Variants in GABPB2 observed in about 807,000 individuals in gnomAD.
The protein encoded by GABPB2 is GA binding protein transcription factor subunit beta 2.
Under a neutral mutation model 39.1 loss-of-function variants are expected in GABPB2, and 23 were observed. The observed-to-expected ratio is 0.59, with a 90% CI of 0.42 to 0.83. The LOEUF (loss-of-function observed/expected upper bound fraction) is 0.83, where lower values mean the gene tolerates loss of function less well. Ranked by LOEUF, GABPB2 falls within the 40% of genes least tolerant of loss-of-function variation. The pLI is 0.00. For missense variants in GABPB2, 467 were observed against 541.1 expected (o/e 0.86, Z 1.36); for synonymous variants, 184 against 199.3 (o/e 0.92, Z 0.65).
chr1:151,108,217 T>A (rs2101550964), intron 7 of GABPB2, among the ~76,000 whole-genome samples: 1 of 152,342 alleles, frequency 6.6e-6, no homozygotes, highest in South Asian at 2.1e-4. Flanking sequence ...TTGCCCAGGC[T>A]GGAGCGCAGT....
intron 1 of GABPB2, among the ~76,000 whole-genome samples, chr1:151,086,429 G>A (rs1001620211): frequency 1.3e-5 from 2 of 152,102 alleles, no homozygotes. Context: ...ATAACCAATA[G>A]CACAGTTTGA....
At chr1:151,113,544 T>C (rs1680634236) in intron 7 of GABPB2, among the ~76,000 whole-genome samples, 1 of 151,624 alleles carries the variant, frequency 6.6e-6, no homozygotes, top group East Asian at 1.9e-4. Flanking sequence ...TGTTTTAAAA[T>C]AATCATAATA....
chr1:151,088,197 T>C lies in GABPB2; in HGVS notation c.8T>C (p.Leu3Ser). 6.2e-7 allele frequency: 1 copy of C among 1,613,830 alleles called. No homozygotes were observed. The highest frequency in any genetic ancestry group is 8.5e-7 in the Non-Finnish European group (1 of 1,179,734). Reference sequence around the variant, plus strand: ...TTGTTCCTATGCATAAAGATGTCTTTGGTGGACTTGGGAAAGAGGTTGCTA... The same window carrying C: ...TTGTTCCTATGCATAAAGATGTCTTCGGTGGACTTGGGAAAGAGGTTGCTA... The part of the protein sequence containing the change: MS[L>S]VDLGKRLLEA... The change falls in exon 2 of 9, where the codon TTG (leucine) becomes TCG (serine). Residue 3 changes from leucine to serine, a missense_variant. Transcript: ENST00000368918.
At chr1:151,073,970 T>C in intron 1 of GABPB2, among the ~76,000 whole-genome samples, 1 of 150,916 alleles carries the variant, frequency 6.6e-6, no homozygotes, top group South Asian at 2.1e-4. Flanking sequence ...AGTATTATTA[T>C]GGTTATTTCT....
chr1:151,090,378 A>G (rs765777311), intron 2 of GABPB2, 28 bp from the exon 3 acceptor site: 4 of 1,606,520 alleles, frequency 2.5e-6, no homozygotes, highest in Non-Finnish European at 3.4e-6. Context: ...CACACAGTGG[A>G]TATTCAATGA....
chr1:151,103,634 C>T lies in GABPB2; in HGVS notation c.695C>T (p.Ala232Val). Residue 232 changes from alanine to valine, a missense_variant, in exon 6 of 9, where the codon GCT (alanine) becomes GTT (valine). Ala to Val is a moderately conservative substitution (Grantham distance 64, BLOSUM62 0). Coordinates refer to ENST00000368918, the MANE Select transcript of GABPB2 (RefSeq NM_144618.3). ...TSVLATLAAL[A>V]EASVPLSNSH... Reference sequence around the variant, plus strand: ...GTGCTGGCTACCCTTGCAGCTCTTGCTGAGGCATCAGTCCCCCTCTCCAAC... The same window carrying T: ...GTGCTGGCTACCCTTGCAGCTCTTGTTGAGGCATCAGTCCCCCTCTCCAAC... 1 of 1,614,110 alleles carries T rather than the reference C, an allele frequency of 6.2e-7. No homozygotes were observed. Among genetic ancestry groups the T allele is most frequent in the Non-Finnish European group, 8.5e-7 (1 of 1,179,966 alleles).
intron 1 of GABPB2, among the ~76,000 whole-genome samples, chr1:151,081,529 T>C (rs1677696947): frequency 6.6e-6 from 1 of 152,014 alleles, no homozygotes; most frequent in Non-Finnish European, 1.5e-5. Flanking sequence ...ACCGTATATA[T>C]ATATCTTCAG....
chr1:151,077,648 C>G (rs1460481370), intron 1 of GABPB2, among the ~76,000 whole-genome samples: 1 of 151,464 alleles, frequency 6.6e-6, no homozygotes, highest in East Asian at 1.9e-4. Flanking sequence ...CATGGCTGGG[C>G]TCAGCTTTAA....
chr1:151,104,729 C>T (rs1679792180), intron 6 of GABPB2, among the ~76,000 whole-genome samples: 1 of 151,706 alleles, frequency 6.6e-6, no homozygotes, highest in African/African-American at 2.4e-5. Context: ...GGTTGATACC[C>T]CACTTATTAC....
chr1:151,102,668 CT>C (rs1299291614), intron 5 of GABPB2, among the ~76,000 whole-genome samples: 1 of 152,142 alleles, frequency 6.6e-6, no homozygotes, highest in African/African-American at 2.4e-5. Context: ...TCTCGAACTC[CT>C]GATCTCAGGT....
At chr1:151,091,518 A>G (rs1429032073) in intron 3 of GABPB2, among the ~76,000 whole-genome samples, 1 of 132,762 alleles carries the variant, frequency 7.5e-6, no homozygotes, top group African/African-American at 2.8e-5. Flanking sequence ...ACTATCGCCC[A>G]GGCTCGAGTG....
rs77510845 is a variant in GABPB2 at position 151,110,307 on chromosome 1, C to A, written c.922+3085C>A. On this transcript the variant is annotated intron_variant, in intron 7 of 8. Transcript: ENST00000368918. ...AATCCAAACTTTGGTATCATAAATT[C>A]TAATTTATGCATTGCTGATATTTTT... Among the ~76,000 whole-genome samples, 492 of 151,676 alleles carry A rather than the reference C, an allele frequency of 3.2e-3. 2 individuals carry two copies. The highest frequency in any genetic ancestry group is 8.3e-3 in the South Asian group (40 of 4,804).
At chr1:151,089,839 G>A (rs1196375991) in intron 2 of GABPB2, among the ~76,000 whole-genome samples, 3 of 151,666 alleles carry the variant, frequency 2.0e-5, no homozygotes, top group African/African-American at 7.3e-5. Context: ...GTAAAGTCAC[G>A]TCCTTTAGGG....
chr1:151,081,013 C>T (rs935363331), intron 1 of GABPB2, among the ~76,000 whole-genome samples: 1 of 150,454 alleles, frequency 6.6e-6, no homozygotes, highest in African/African-American at 2.4e-5. Flanking sequence ...GCTGGGACTA[C>T]ACGGGCCCAC....
Position 151,088,489 on chromosome 1 carries a change from C to T in GABPB2, c.108+192C>T, listed in dbSNP as rs77639140. ...TTTTAGTTTTCCAAATTGAGAGTCT[C>T]CTGTGGATATATAGGTGATAATTGT... On this transcript the variant is annotated intron_variant, in intron 2 of 8. Transcript: ENST00000368918. 1.9e-5 allele frequency: 25 copies of T among 1,314,200 alleles called. 1 individual carries two copies. The East Asian group carries it at 6.5e-4, about 34-fold the overall frequency. The allele number at this position is 1,314,200 out of a possible 1,614,324, so 81.4% of individuals were successfully genotyped here. A position where few individuals can be genotyped will look rare whatever the true frequency, so the allele number is the denominator to read the frequency against.
In GABPB2 at chr1:151,084,751, G is replaced by A. The variant is rs953627323; in HGVS notation, c.1-3439G>A. Among the ~76,000 whole-genome samples the A allele has an allele frequency of 1.4e-5, 2 of 142,328 alleles. 1 individual carries two copies. The highest frequency in any genetic ancestry group is 4.5e-4 in the South Asian group (2 of 4,432). 93.4% of individuals were successfully genotyped at this position (142,328 alleles called of 152,430 possible). On this transcript the variant is annotated intron_variant, in intron 1 of 8. Coordinates refer to ENST00000368918, the MANE Select transcript of GABPB2 (RefSeq NM_144618.3). ...GGATTTCACCAGGTTAGCCAGGATG[G>A]TCTCGATCTCCTGACCTTGTGATCC...
At chr1:151,088,059 C>T in intron 1 of GABPB2, 131 bp from the exon 2 acceptor site, 1 of 625,414 alleles carries the variant, frequency 1.6e-6, no homozygotes, top group Non-Finnish European at 2.9e-6. Flanking sequence ...AAGGAAGTGA[C>T]CTACCAGACA....
chr1:151,109,520 G>A (rs1315497295), intron 7 of GABPB2, among the ~76,000 whole-genome samples: 7 of 150,316 alleles, frequency 4.7e-5, no homozygotes, highest in African/African-American at 1.5e-4. Context: ...CACCACGCCC[G>A]GCTAATTTTT....
At chr1:151,095,922 A>T (rs72706600) in intron 4 of GABPB2, among the ~76,000 whole-genome samples, 2 of 151,558 alleles carry the variant, frequency 1.3e-5, no homozygotes, top group African/African-American at 2.4e-5. Flanking sequence ...AATCCCAGCT[A>T]CTTGGGTGAT....
Sources: gnomAD v4.1 joint callset for allele counts (sites outside exome capture counted in the v4.1 genomes callset) on GRCh38, gnomAD v4.1.1 for gene constraint, MANE v1.5 for transcripts, NCBI Gene and HGNC (gene_info 2026-07-23, HGNC 2026-07-21) for gene names.